Variants in ADAMTS2 observed in about 807,000 individuals in gnomAD.
ADAMTS2 encodes the protein A disintegrin and metalloproteinase with thrombospondin motifs 2.
ADAMTS2 carries 50 observed loss-of-function variants against 123.0 expected under a neutral mutation model. That is an observed-to-expected ratio of 0.41 (90% confidence interval 0.32 to 0.51). ADAMTS2 has a LOEUF of 0.51. Among genes scored for constraint, ADAMTS2 ranks in the 20% least tolerant of loss-of-function variants. The pLI, the probability that ADAMTS2 is intolerant of heterozygous loss-of-function variation, is 0.35. For missense variants in ADAMTS2, 1,494 were observed against 1,705.2 expected, an observed-to-expected ratio of 0.88 and a Z score of 2.18; for synonymous variants, 678 against 695.4, an observed-to-expected ratio of 0.98 and a Z score of 0.39.
chr5:179,162,482 C>G lies in ADAMTS2; in HGVS notation c.976-3603G>C, dbSNP rs1031798281. On this transcript the variant is annotated intron_variant, in intron 5 of 21. Transcript: ENST00000251582. This position sits in a 1 kb window ranked among gnomAD's most constrained non-coding sequence, Gnocchi z 5.1. Reference sequence around the variant, plus strand: ...CTGCAGTCTCATCTGAAGGCTGTACCGGAGGCGGGTCAGCTCCCAGGCTCA... The same window carrying G: ...CTGCAGTCTCATCTGAAGGCTGTACGGGAGGCGGGTCAGCTCCCAGGCTCA... Among the ~76,000 whole-genome samples the G allele has an allele frequency of 1.3e-5, 2 of 152,116 alleles. No individual in the cohort carries two copies. The highest frequency in any genetic ancestry group is 2.9e-5 in the Non-Finnish European group (2 of 68,010).
In ADAMTS2 at chr5:179,194,254, C is replaced by T. The variant is rs75994674; in HGVS notation, c.892-13099G>A. 7.9e-3 allele frequency among the ~76,000 whole-genome samples: 1,202 copies of T among 152,122 alleles called. 13 individuals carry two copies. The highest frequency in any genetic ancestry group is 0.027 in the African/African-American group (1,119 of 41,490). On this transcript the variant is annotated intron_variant, in intron 4 of 21. Coordinates refer to ENST00000251582, the MANE Select transcript of ADAMTS2 (RefSeq NM_014244.5). ...AGGAGGAAGCAGAGGTGAGATCCACCCACAAGACCCCTGTTCGAGTGTTCC... is the reference window on the plus strand; with the variant it reads ...AGGAGGAAGCAGAGGTGAGATCCACTCACAAGACCCCTGTTCGAGTGTTCC...
At position 179,153,595 on chromosome 5, in the gene ADAMTS2, A is replaced by G; in HGVS notation, c.1411T>C (p.Phe471Leu). ...GGCAGCGCCGGCCAGTCGTGGGCGA[A>G]GGGGTCATCCAGCAGGCAGTCATAG... is the stretch of plus-strand genomic sequence containing the variant. ...HSYDCLLDDP[F>L]AHDWPALPQL... Residue 471 changes from phenylalanine to leucine, a missense_variant, in exon 9 of 22, where the codon TTC (phenylalanine) becomes CTC (leucine). Phe to Leu is a conservative substitution (Grantham distance 22, BLOSUM62 0). Coordinates refer to ENST00000251582, the MANE Select transcript of ADAMTS2 (RefSeq NM_014244.5). The G allele has an allele frequency of 6.2e-7, 1 of 1,606,708 alleles. No individual in the cohort carries two copies. The highest frequency in any genetic ancestry group is 1.7e-5 in the Admixed American group (1 of 59,956).
intron 2 of ADAMTS2, among the ~76,000 whole-genome samples, chr5:179,283,954 T>G (rs1047636598): frequency 3.2e-5 from 3 of 92,540 alleles, no homozygotes; most frequent in South Asian, 2.7e-4. Context: ...TGATTATTAT[T>G]ATTATTATTA....
chr5:179,335,510 G>A (rs1311005266), intron 2 of ADAMTS2, among the ~76,000 whole-genome samples: 1 of 152,188 alleles, frequency 6.6e-6, no homozygotes, highest in African/African-American at 2.4e-5. Context: ...GAGCCTTACA[G>A]TTCTAATAAT....
intron 2 of ADAMTS2, among the ~76,000 whole-genome samples, chr5:179,329,812 C>T (rs372560376): frequency 2.6e-5 from 4 of 152,120 alleles, no homozygotes; most frequent in African/African-American, 4.8e-5. Context: ...AGTTGGGGGC[C>T]GTAACCACCA....
chr5:179,254,677 T>A (rs545267727), intron 3 of ADAMTS2, among the ~76,000 whole-genome samples: 34 of 152,300 alleles, frequency 2.2e-4, no homozygotes, highest in Admixed American at 5.2e-4. Context: ...CCTCTCACTG[T>A]CCCTGAAGCC....
At chr5:179,230,489 C>G (rs529303804) in intron 3 of ADAMTS2, among the ~76,000 whole-genome samples, 1 of 151,320 alleles carries the variant, frequency 6.6e-6, no homozygotes, top group African/African-American at 2.4e-5. Context: ...ATACGCTTGA[C>G]GTTATGCCCG....
At chr5:179,318,839 A>G (rs2113588732) in intron 2 of ADAMTS2, among the ~76,000 whole-genome samples, 1 of 152,324 alleles carries the variant, frequency 6.6e-6, no homozygotes. Flanking sequence ...AGGGTCTTCC[A>G]GGAAGGTCAG....
chr5:179,325,664 C>G (rs1375575676), intron 2 of ADAMTS2, among the ~76,000 whole-genome samples: 1 of 152,266 alleles, frequency 6.6e-6, no homozygotes. Flanking sequence ...CCTCGGGGAA[C>G]CTGGGCCTCT....
chr5:179,226,017 G>A, intron 3 of ADAMTS2, among the ~76,000 whole-genome samples: 1 of 152,148 alleles, frequency 6.6e-6, no homozygotes, highest in Middle Eastern at 3.2e-3. Context: ...CTGCTGTGGG[G>A]TCGGAGCCCC....
intron 3 of ADAMTS2, among the ~76,000 whole-genome samples, chr5:179,261,524 G>T (rs1766225021): frequency 6.6e-6 from 1 of 152,212 alleles, no homozygotes; most frequent in African/African-American, 2.4e-5. Context: ...CCATCTGCCG[G>T]GTCAGCAACA....
chr5:179,299,530 A>ACACACACAC (rs1756449344), intron 2 of ADAMTS2, among the ~76,000 whole-genome samples: 3 of 120,440 alleles, frequency 2.5e-5, no homozygotes, highest in Non-Finnish European at 3.4e-5. Flanking sequence ...CTCCAACTCA[A>ACACACACAC]ACACACACAC....
chr5:179,269,203 CT>C (rs1393792638), intron 3 of ADAMTS2, among the ~76,000 whole-genome samples: 1 of 152,176 alleles, frequency 6.6e-6, no homozygotes, highest in Admixed American at 6.5e-5. Context: ...AGATTCTCCC[CT>C]GGAGCCTCTG....
At chr5:179,174,153 A>T (rs1447685741) in intron 5 of ADAMTS2, among the ~76,000 whole-genome samples, 1 of 152,208 alleles carries the variant, frequency 6.6e-6, no homozygotes, top group Non-Finnish European at 1.5e-5. Flanking sequence ...CTTCATCTTA[A>T]CAGGGTTGAT....
intron 3 of ADAMTS2, among the ~76,000 whole-genome samples, chr5:179,264,484 C>T (rs1766309325): frequency 6.6e-6 from 1 of 152,182 alleles, no homozygotes; most frequent in African/African-American, 2.4e-5. Context: ...GGGGCATGCC[C>T]AGCCCACAGT....
chr5:179,233,116 C>T (rs774111872), intron 3 of ADAMTS2, among the ~76,000 whole-genome samples: 12 of 152,164 alleles, frequency 7.9e-5, no homozygotes, highest in Non-Finnish European at 1.5e-4. Context: ...CTGGGAGAAT[C>T]GTTTTTCAGC....
intron 5 of ADAMTS2, among the ~76,000 whole-genome samples, chr5:179,164,181 C>T (rs557321520): frequency 5.9e-5 from 9 of 152,362 alleles, no homozygotes; most frequent in African/African-American, 2.2e-4. Context: ...CCAACATCTC[C>T]AAGGTCCCAG....
chr5:179,161,594 G>A (rs1304444919), intron 5 of ADAMTS2, among the ~76,000 whole-genome samples: 1 of 152,162 alleles, frequency 6.6e-6, no homozygotes, highest in Non-Finnish European at 1.5e-5. Context: ...GGCAAGATGG[G>A]GGAATAAGCG....
intron 3 of ADAMTS2, among the ~76,000 whole-genome samples, chr5:179,227,324 G>A (rs1765313201): frequency 6.6e-6 from 1 of 152,180 alleles, no homozygotes; most frequent in African/African-American, 2.4e-5. Context: ...GAGAGGCCAG[G>A]ACTCTCCCAG....
Sources: allele counts gnomAD v4.1 joint callset (sites outside exome capture counted in the v4.1 genomes callset), GRCh38; gene constraint gnomAD v4.1.1; non-coding constraint Gnocchi (gnomAD v3.1); transcripts MANE v1.5; gene names NCBI Gene and HGNC (gene_info 2026-07-23, HGNC 2026-07-21).